Variants in CDK5RAP2 observed in about 807,000 individuals in gnomAD.
CDK5RAP2 encodes the protein CDK5 regulatory subunit-associated protein 2.
Under a neutral mutation model 232.9 loss-of-function variants are expected in CDK5RAP2, and 147 were observed. The observed-to-expected ratio is 0.63, with a 90% CI of 0.55 to 0.72. The LOEUF (loss-of-function observed/expected upper bound fraction) is 0.72. Ranked by LOEUF, CDK5RAP2 falls within the 30% of genes least tolerant of loss-of-function variation. The pLI is 0.00. For synonymous variants in CDK5RAP2, 833 were observed against 833.7 expected, an observed-to-expected ratio of 1.00 and a Z score of 0.01; for missense variants, 2,195 against 2,231.5, an observed-to-expected ratio of 0.98 and a Z score of 0.33.
Position 120,460,603 on chromosome 9 carries a change from A to G in CDK5RAP2, c.2171T>C (p.Leu724Pro), listed in dbSNP as rs780579117. 1.1e-5 allele frequency: 17 copies of G among 1,614,198 alleles called. No homozygotes were observed. In the African/African-American group the frequency reaches 2.1e-4, roughly 20 times the overall value. Residue 724 changes from leucine (L) to proline (P), a missense_variant, in exon 19 of 38, where the codon CTG (leucine) becomes CCG (proline). Physicochemically the swap from Leu to Pro is moderately conservative, Grantham distance 98. Coordinates refer to ENST00000349780, the MANE Select transcript of CDK5RAP2 (RefSeq NM_018249.6). ...KIGEDDEINF[L>P]SDQHLQQSNE... ...ACTCTGCTGCAAATGCTGGTCACTC[A>G]GGAAATTAATCTCGTCATCCTCCCC... is the stretch of plus-strand genomic sequence containing the variant.
At position 120,474,055 on chromosome 9, in the gene CDK5RAP2, C is replaced by T. The variant is rs12004699; in HGVS notation, c.1728-2177G>A. Among the ~76,000 whole-genome samples the T allele has an allele frequency of 1.5e-3, 233 of 152,312 alleles. 1 individual carries two copies. Among genetic ancestry groups the T allele is most frequent in the African/African-American group, 5.1e-3 (211 of 41,570 alleles). Reference sequence around the variant, plus strand: ...AGAGAGATCGAAGCTCAAAATAGCACGCCACCACTACTGGGCAAGCCAGTT... The same window carrying T: ...AGAGAGATCGAAGCTCAAAATAGCATGCCACCACTACTGGGCAAGCCAGTT... On this transcript the variant is annotated intron_variant, in intron 15 of 37. Transcript: ENST00000349780.
In CDK5RAP2 at chr9:120,403,520, C is replaced by G. The variant is rs142486092; in HGVS notation, c.5042-449G>C. Reference sequence around the variant, plus strand: ...GGAGCAGCATTTGAACTGGATTGAGCAAGTAGCAAGAATTACACGAATGAT... The same window carrying G: ...GGAGCAGCATTTGAACTGGATTGAGGAAGTAGCAAGAATTACACGAATGAT... On this transcript the variant is annotated intron_variant, in intron 33 of 37. Transcript: ENST00000349780. This position sits in a 1 kb window ranked among gnomAD's most constrained non-coding sequence, Gnocchi z 4.2. 337 of 278,490 alleles carry G rather than the reference C, an allele frequency of 1.2e-3. No homozygotes were observed. Among genetic ancestry groups the G allele is most frequent in the Non-Finnish European group, 2.1e-3 (299 of 144,188 alleles). The allele number at this position is 278,490 out of a possible 1,614,324, so 17.3% of individuals were successfully genotyped here. A position where few individuals can be genotyped will look rare whatever the true frequency, so the allele number is the denominator to read the frequency against.
chr9:120,428,927 T>A (rs1371218819), intron 25 of CDK5RAP2, among the ~76,000 whole-genome samples: 1 of 152,172 alleles, frequency 6.6e-6, no homozygotes, highest in Non-Finnish European at 1.5e-5. Context: ...GTGGGCTTCA[T>A]CCCTGGGATG....
intron 35 of CDK5RAP2, among the ~76,000 whole-genome samples, chr9:120,397,573 G>GA (rs1234266305): frequency 0.041 from 3,501 of 86,066 alleles, 87 homozygotes; most frequent in East Asian, 0.19. Flanking sequence ...AAAGAAAAAA[G>GA]AAAAAAAAAA....
At chr9:120,394,681 C>T (rs549019295) in intron 35 of CDK5RAP2, 43 bp from the exon 36 acceptor site, 25 of 1,411,502 alleles carry the variant, frequency 1.8e-5, no homozygotes, top group Non-Finnish European at 2.5e-5. Context: ...AGAACATAAA[C>T]ATCATGTTAC....
intron 3 of CDK5RAP2, among the ~76,000 whole-genome samples, chr9:120,559,522 T>TAA: frequency 7.0e-6 from 1 of 143,422 alleles, no homozygotes; most frequent in Non-Finnish European, 1.5e-5. Flanking sequence ...AACAAAGAAT[T>TAA]TAAAACATTG....
chr9:120,462,665 T>C (rs527363551), intron 18 of CDK5RAP2, among the ~76,000 whole-genome samples: 209 of 152,300 alleles, frequency 1.4e-3, no homozygotes, highest in African/African-American at 4.9e-3. Context: ...GAGAATATAC[T>C]GTATGACTCC....
At position 120,487,305 on chromosome 9, in the gene CDK5RAP2, T is replaced by C. The variant is rs1187232737; in HGVS notation, c.1615A>G (p.Ile539Val). The C allele has an allele frequency of 1.9e-6, 3 of 1,614,120 alleles. No homozygotes were observed. Among genetic ancestry groups the C allele is most frequent in the Non-Finnish European group, 2.5e-6 (3 of 1,180,022 alleles). The change falls in exon 14 of 38, where the codon ATC (isoleucine) becomes GTC (valine). Residue 539 changes from isoleucine (I) to valine (V), a missense_variant. Transcript: ENST00000349780. ...TCAGTCAAGCTTACCTTAGAGAAGA[T>C]GGTTTTGCTGCCTGGTGGCTGTTGA... ...SSQQPPGSKTIFSKEKKQSSD... is the reference protein window; with the variant it reads ...SSQQPPGSKTVFSKEKKQSSD...
chr9:120,413,130 C>G (rs1285777185), intron 28 of CDK5RAP2, among the ~76,000 whole-genome samples: 2 of 152,236 alleles, frequency 1.3e-5, no homozygotes, highest in African/African-American at 4.8e-5. Context: ...AGGAAAAAAT[C>G]TACAGAAGTC....
chr9:120,467,850 T>C lies in CDK5RAP2; in HGVS notation c.2106+10A>G, dbSNP rs750006129. On this transcript the variant is annotated intron_variant, in intron 18 of 37. Coordinates refer to ENST00000349780, the MANE Select transcript of CDK5RAP2 (RefSeq NM_018249.6). The stretch of plus-strand genomic sequence containing the variant: ...TGTAATCAGCACATGACAACAAAAA[T>C]GTTTCTTACCTCTGTTTGTTCTGTA... 5.6e-6 allele frequency: 9 copies of C among 1,613,960 alleles called. No homozygotes were observed. Among genetic ancestry groups the C allele is most frequent in the Non-Finnish European group, 7.6e-6 (9 of 1,179,880 alleles).
intron 34 of CDK5RAP2, among the ~76,000 whole-genome samples, chr9:120,401,516 A>AT (rs1373807536): frequency 7.0e-6 from 1 of 143,788 alleles, no homozygotes; most frequent in East Asian, 2.3e-4. Flanking sequence ...GGAAGCTGGG[A>AT]TGGGAGGATT....
chr9:120,445,162 T>C, intron 22 of CDK5RAP2, among the ~76,000 whole-genome samples: 1 of 152,226 alleles, frequency 6.6e-6, no homozygotes, highest in Admixed American at 6.5e-5. Context: ...AGGACACTGC[T>C]TCTCCCGCAG....
chr9:120,530,133 C>T lies in CDK5RAP2; in HGVS notation c.670G>A (p.Glu224Lys). ...CTCTTCAAAGACAGCTTCAACTCCTCAATCAGTCTAAAAGAGAACAAAATT... is the reference window on the plus strand; with the variant it reads ...CTCTTCAAAGACAGCTTCAACTCCTTAATCAGTCTAAAAGAGAACAAAATT... ...LVLDEKDRLIEELKLSLKSKE... is the reference protein window; with the variant it reads ...LVLDEKDRLIKELKLSLKSKE... Residue 224 changes from glutamate to lysine, a missense_variant, in exon 8 of 38, where the codon GAG (glutamate) becomes AAG (lysine). Transcript: ENST00000349780. 6.2e-7 allele frequency: 1 copy of T among 1,612,900 alleles called. No homozygotes were observed. Among genetic ancestry groups the T allele is most frequent in the Non-Finnish European group, 8.5e-7 (1 of 1,179,326 alleles).
chr9:120,427,432 T>C (rs1361668338), intron 25 of CDK5RAP2, among the ~76,000 whole-genome samples: 5 of 152,266 alleles, frequency 3.3e-5, no homozygotes, highest in African/African-American at 7.2e-5. Flanking sequence ...CTCTCCCCCA[T>C]AGAGGAAATC....
At chr9:120,440,036 T>C in intron 23 of CDK5RAP2, 64 bp from the exon 24 acceptor site, 1 of 1,460,578 alleles carries the variant, frequency 6.8e-7, no homozygotes, top group Non-Finnish European at 9.4e-7. Flanking sequence ...CTCTCCTTCC[T>C]CACAGCCCTA....
At chr9:120,537,299 A>G (rs77994296) in intron 6 of CDK5RAP2, among the ~76,000 whole-genome samples, 2,936 of 152,228 alleles carry the variant, frequency 0.019, 116 homozygotes, top group African/African-American at 0.068. Flanking sequence ...CCCATCAAAG[A>G]GCTACCATGA....
chr9:120,396,414 G>T (rs1301614618), intron 35 of CDK5RAP2, among the ~76,000 whole-genome samples: 2 of 152,230 alleles, frequency 1.3e-5, no homozygotes, highest in Non-Finnish European at 2.9e-5. Context: ...GCAGTAGAGT[G>T]AGACTCAAAT....
chr9:120,571,525 C>T (rs1370477786), intron 2 of CDK5RAP2, among the ~76,000 whole-genome samples: 1 of 152,240 alleles, frequency 6.6e-6, no homozygotes, highest in Non-Finnish European at 1.5e-5. Context: ...GTGGTCTAAC[C>T]AGCTATTTGT....
intron 25 of CDK5RAP2, among the ~76,000 whole-genome samples, chr9:120,428,971 G>A (rs1230246243): frequency 1.3e-5 from 2 of 151,858 alleles, no homozygotes; most frequent in African/African-American, 4.8e-5. Flanking sequence ...ATCAATAAAT[G>A]TAATCCAGCA....
Sources: gnomAD v4.1 joint callset for allele counts (sites outside exome capture counted in the v4.1 genomes callset) on GRCh38, gnomAD v4.1.1 for gene constraint, Gnocchi (gnomAD v3.1) non-coding constraint, MANE v1.5 for transcripts, NCBI Gene and HGNC (gene_info 2026-07-23, HGNC 2026-07-21) for gene names.